Variants in FAT2 observed in about 807,000 individuals in gnomAD.
FAT2 encodes the protein protocadherin Fat 2.
A neutral mutation model predicts 295.3 loss-of-function variants in FAT2; 150 were observed. The observed-to-expected ratio is 0.51, with a 90% CI of 0.44 to 0.58. The LOEUF is 0.58. FAT2 is among the 20% of genes least tolerant of loss of function. FAT2 has a pLI of 0.00. For synonymous variants in FAT2, 2,026 were observed against 2,150.3 expected, an observed-to-expected ratio of 0.94 and a Z score of 1.60; for missense variants, 4,868 against 5,442.7, an observed-to-expected ratio of 0.89 and a Z score of 3.32.
In FAT2 at chr5:151,540,670, T is replaced by A. The variant is rs2127602572; in HGVS notation, c.8936A>T (p.Lys2979Met). The A allele has an allele frequency of 6.2e-7, 1 of 1,614,232 alleles. No individual in the cohort carries two copies. The highest frequency in any genetic ancestry group is 8.5e-7 in the Non-Finnish European group (1 of 1,180,038). The change falls in exon 11 of 24, where the codon AAG (lysine) becomes ATG (methionine). Residue 2979 changes from lysine to methionine, a missense_variant. By Grantham distance (95) the Lys-to-Met change is moderately conservative. Transcript: ENST00000261800. Reference sequence around the variant, plus strand: ...AGATGCTGTGACTCTGAGCAAGTACTTGGCTGTATGCTCGCGGTCCAGGGT... The same window carrying A: ...AGATGCTGTGACTCTGAGCAAGTACATGGCTGTATGCTCGCGGTCCAGGGT... ...RKTLDREHTA[K>M]YLLRVTASDG...
At chr5:151,572,647 G>T (rs889391020) in intron 1 of FAT2, among the ~76,000 whole-genome samples, 1 of 152,232 alleles carries the variant, frequency 6.6e-6, no homozygotes, top group African/African-American at 2.4e-5. Flanking sequence ...GACTACATAA[G>T]ATCGTGCACG....
rs1264550703 is a variant in FAT2 at position 151,536,165 on chromosome 5, T to C, written c.9194-1523A>G. 2.6e-5 allele frequency among the ~76,000 whole-genome samples: 4 copies of C among 152,110 alleles called. 1 individual carries two copies. Among genetic ancestry groups the C allele is most frequent in the Non-Finnish European group, 5.9e-5 (4 of 68,022 alleles). On this transcript the variant is annotated intron_variant, in intron 12 of 23. Coordinates refer to ENST00000261800, the MANE Select transcript of FAT2 (RefSeq NM_001447.3). Reference sequence around the variant, plus strand: ...TGCAGATGTTCCAGTTTCTGCATAATACATACCTACATTGCTTCAATTTTA... The same window carrying C: ...TGCAGATGTTCCAGTTTCTGCATAACACATACCTACATTGCTTCAATTTTA...
In FAT2 at chr5:151,566,823, G is replaced by T; in HGVS notation, c.2109C>A (p.Ser703Arg). The change falls in exon 2 of 24, where the codon AGC becomes AGA. Residue 703 changes from serine to arginine, a missense_variant. Ser to Arg is a moderately radical substitution (Grantham distance 110). Coordinates refer to ENST00000261800, the MANE Select transcript of FAT2 (RefSeq NM_001447.3). Reference protein sequence around the residue: ...ESSDEEFTSLSTYQINHYTPQ... With the variant: ...ESSDEEFTSLRTYQINHYTPQ... ...GGGTGTAATGATTAATCTGATATGT[G>T]CTTAAAGAAGTGAATTCCTCATCAC... The T allele has an allele frequency of 6.2e-7, 1 of 1,614,170 alleles. No individual in the cohort carries two copies. Among genetic ancestry groups the T allele is most frequent in the Non-Finnish European group, 8.5e-7 (1 of 1,180,016 alleles).
In FAT2 at chr5:151,549,330, C is replaced by G. The variant is rs748494368; in HGVS notation, c.4754G>C (p.Gly1585Ala). The G allele has an allele frequency of 3.1e-6, 5 of 1,613,624 alleles. No homozygotes were observed. Among genetic ancestry groups the G allele is most frequent in the African/African-American group, 1.3e-5 (1 of 75,040 alleles). Residue 1585 changes from glycine (G) to alanine (A), a missense_variant, in exon 9 of 24, where the codon GGA (glycine) becomes GCA (alanine). Transcript: ENST00000261800. ...GGAGTAGTGGACCTCAGCATTGACTCCCCGGTCAGCATCCATGGCTCGGAC... is the reference window on the plus strand; with the variant it reads ...GGAGTAGTGGACCTCAGCATTGACTGCCCGGTCAGCATCCATGGCTCGGAC... The part of the protein sequence containing the change: ...LQVRAMDADR[G>A]VNAEVHYSLL...
intron 10 of FAT2, among the ~76,000 whole-genome samples, chr5:151,541,161 TA>T (rs879774390): frequency 7.2e-5 from 11 of 152,372 alleles, no homozygotes; most frequent in Non-Finnish European, 1.0e-4. Flanking sequence ...TCCAAGGTTT[TA>T]TTTTATAACT....
chr5:151,511,814 G>A (rs1761345847), intron 21 of FAT2: 1 of 230,774 alleles, frequency 4.3e-6, no homozygotes, highest in Admixed American at 5.0e-5. Context: ...TAGTGTTAGG[G>A]AAGGGGAAGG....
At chr5:151,538,655 C>T (rs1287960855) in intron 11 of FAT2, among the ~76,000 whole-genome samples, 1 of 152,124 alleles carries the variant, frequency 6.6e-6, no homozygotes, top group Non-Finnish European at 1.5e-5. Flanking sequence ...CCTACATGCC[C>T]TGGATGGAAG....
chr5:151,553,418 T>A (rs773889735), intron 5 of FAT2, 31 bp from the exon 6 acceptor site: 2 of 1,605,802 alleles, frequency 1.2e-6, no homozygotes, highest in Middle Eastern at 1.7e-4. Context: ...AAACTGAGGT[T>A]TGGGGCCAAG....
rs114551196 is a variant in FAT2 at position 151,554,648 on chromosome 5, G to A, written c.3659C>T (p.Pro1220Leu). ...LEVTVLDNGEPSLKSTSRVVV... is the reference protein window; with the variant it reads ...LEVTVLDNGELSLKSTSRVVV... Reference sequence around the variant, plus strand: ...CACCCTGGAGGTGGACTTCAGTGAGGGTTCCCCATTGTCCAGCACAGTCAC... The same window carrying A: ...CACCCTGGAGGTGGACTTCAGTGAGAGTTCCCCATTGTCCAGCACAGTCAC... Residue 1220 changes from proline to leucine, a missense_variant, in exon 5 of 24, where the codon CCC becomes CTC. Pro to Leu is a moderately conservative substitution (Grantham distance 98). Around this residue, in one of 5 missense-constraint regions of FAT2, gnomAD observed 3,297 missense variants for 3,669.4 expected, o/e 0.90. Transcript: ENST00000261800. 2 of 1,613,850 alleles carry A rather than the reference G, an allele frequency of 1.2e-6. No individual in the cohort carries two copies. Among genetic ancestry groups the A allele is most frequent in the East Asian group, 2.2e-5 (1 of 44,882 alleles).
upstream of FAT2, among the ~76,000 whole-genome samples, chr5:151,591,670 C>A (rs1352200272): frequency 6.6e-6 from 1 of 152,152 alleles, no homozygotes; most frequent in Non-Finnish European, 1.5e-5. Context: ...TGCTTCAGAT[C>A]TGAGACTGAC....
chr5:151,553,390 G>A lies in FAT2; in HGVS notation c.3946-3C>T, dbSNP rs1339475774. On this transcript the variant is annotated splice_region_variant and splice_polypyrimidine_tract_variant and intron_variant, in intron 5 of 23. Transcript: ENST00000261800. The stretch of plus-strand genomic sequence containing the variant: ...TGCCCACTGTCTGTTGCCTTGATCT[G>A]AAAGGAGGCCAACACCAAAACTGAG... 1 of 1,613,846 alleles carries A rather than the reference G, an allele frequency of 6.2e-7. No individual in the cohort carries two copies. The highest frequency in any genetic ancestry group is 1.7e-4 in the Middle Eastern group (1 of 6,042).
At chr5:151,560,263 A>G (rs569151877) in intron 3 of FAT2, among the ~76,000 whole-genome samples, 1 of 152,270 alleles carries the variant, frequency 6.6e-6, no homozygotes, top group East Asian at 1.9e-4. Flanking sequence ...AGCTTTGTAT[A>G]TTAACTCATT....
chr5:151,538,192 G>C (rs913790438), intron 11 of FAT2, among the ~76,000 whole-genome samples: 1 of 152,198 alleles, frequency 6.6e-6, no homozygotes, highest in Non-Finnish European at 1.5e-5. Flanking sequence ...AAAACAGGAA[G>C]AGGATGACAA....
rs1173582597 is a variant in FAT2 at position 151,531,939 on chromosome 5, CG to C, written c.9458del (p.Pro3153ArgfsTer16). Reference sequence around the variant, plus strand: ...TGGAAAAGTGGCCTTCGGCTGAATCCGGCAGAGAGTAAACCACCTGGGCATT... The same window carrying C: ...TGGAAAAGTGGCCTTCGGCTGAATCCGCAGAGAGTAAACCACCTGGGCATT... ...GANAQVVYSL[P>X]DSAEGHFSID... On this transcript the variant is annotated frameshift_variant, in exon 14 of 24. Transcript: ENST00000261800. LOFTEE classifies it high-confidence loss of function. The surrounding 1 kb of genome is among the most constrained non-coding windows in gnomAD (Gnocchi z 5.7). 1 of 1,614,224 alleles carries C rather than the reference CG, an allele frequency of 6.2e-7. No individual in the cohort carries two copies. Among genetic ancestry groups the C allele is most frequent in the East Asian group, 2.2e-5 (1 of 44,888 alleles).
chr5:151,544,366 G>T lies in FAT2; in HGVS notation c.6761C>A (p.Ser2254Tyr). Residue 2254 changes from serine (S) to tyrosine (Y), a missense_variant, in exon 10 of 24, where the codon TCT becomes TAT. Physicochemically the swap from Ser to Tyr is moderately radical, Grantham distance 144 (BLOSUM62 -2). Transcript: ENST00000261800. ...RATDTALGSF[S>Y]EATVEVLVED... ...CACTAGGACTTCCACTGTGGCTTCA[G>T]AAAATGACCCCAGAGCTGTATCCGT... The T allele has an allele frequency of 6.2e-7, 1 of 1,614,202 alleles. No homozygotes were observed.
At chr5:151,564,840 A>G (rs1758174906) in intron 2 of FAT2, among the ~76,000 whole-genome samples, 1 of 152,008 alleles carries the variant, frequency 6.6e-6, no homozygotes, top group African/African-American at 2.4e-5. Flanking sequence ...TGGGAGGCCA[A>G]GACGGGTGGA....
At position 151,542,345 on chromosome 5, in the gene FAT2, G is replaced by C; in HGVS notation, c.8782C>G (p.Leu2928Val). 1.2e-6 allele frequency: 2 copies of C among 1,613,928 alleles called. No individual in the cohort carries two copies. The highest frequency in any genetic ancestry group is 2.2e-5 in the South Asian group (2 of 91,020). The change falls in exon 10 of 24, where the codon CTA becomes GTA. Residue 2928 changes from leucine (L) to valine (V), a missense_variant. Transcript: ENST00000261800. ...GAAATGTCAGCATCCAGGGTCTTTA[G>C]AGTCGCCACCAGTTCGCCAGGCTCA... ...NSEPGELVAT[L>V]KTLDADISEQ...
In FAT2 at chr5:151,563,426, T is replaced by G. The variant is rs141021960; in HGVS notation, c.3473A>C (p.Gln1158Pro). ...GGAGTCTGGGTCCCAGGCATCCAGT[T>G]GAAGCACAGAGGTGCCCACGGGAGC... ...EDAPVGTSVL[Q>P]LDAWDPDSSS... The change falls in exon 3 of 24, where the codon CAA (glutamine) becomes CCA (proline). Residue 1158 changes from glutamine (Q) to proline (P), a missense_variant. This residue lies in a region of FAT2 where 3,297 missense variants were observed against 3,669.4 expected (regional missense o/e 0.90). Coordinates refer to ENST00000261800, the MANE Select transcript of FAT2 (RefSeq NM_001447.3). 165 of 1,614,078 alleles carry G rather than the reference T, an allele frequency of 1.0e-4. No homozygotes were observed. The highest frequency in any genetic ancestry group is 3.5e-5 in the Non-Finnish European group (41 of 1,180,032).
intron 1 of FAT2, among the ~76,000 whole-genome samples, chr5:151,587,828 GACA>G (rs1403222496): frequency 1.3e-5 from 2 of 152,182 alleles, no homozygotes; most frequent in East Asian, 1.9e-4. Context: ...TGAAAACAAT[GACA>G]ACAACAAGAA....
Sources: allele counts gnomAD v4.1 joint callset (sites outside exome capture counted in the v4.1 genomes callset), GRCh38; gene constraint gnomAD v4.1.1; regional missense constraint gnomAD v4.1.1; non-coding constraint Gnocchi (gnomAD v3.1); transcripts MANE v1.5; gene names NCBI Gene and HGNC (gene_info 2026-07-23, HGNC 2026-07-21).